Variants in WAPL observed in about 807,000 individuals in gnomAD.
The protein encoded by WAPL is wings apart-like protein homolog.
WAPL carries 5 observed loss-of-function variants against 121.0 expected under a neutral mutation model. The observed-to-expected ratio is 0.04, with a 90% CI of 0.02 to 0.09. The LOEUF (loss-of-function observed/expected upper bound fraction) is 0.09, where lower values mean the gene tolerates loss of function less well. Among genes scored for constraint, WAPL ranks in the 10% least tolerant of loss-of-function variants. The pLI is 1.00. For missense variants in WAPL, 999 were observed against 1,410.8 expected (o/e 0.71, Z 4.68); for synonymous variants, 480 against 481.5 (o/e 1.00, Z 0.04).
rs753543651 is a variant in WAPL at position 86,500,194 on chromosome 10, C to T, written c.1049G>A (p.Gly350Glu). The T allele has an allele frequency of 3.7e-6, 6 of 1,614,104 alleles. No individual in the cohort carries two copies. Among genetic ancestry groups the T allele is most frequent in the Non-Finnish European group, 5.1e-6 (6 of 1,180,022 alleles). ...GTAATCTCTAGTCCGTCCAACTGTC[C>T]CTCTAAAACTGGTCCCACAACTTAC... is the stretch of plus-strand genomic sequence containing the variant. ...GGVSCGTSFRGTVGRTRDYTV... is the reference protein window; with the variant it reads ...GGVSCGTSFRETVGRTRDYTV... The change falls in exon 3 of 19, where the codon GGG (glycine) becomes GAG (glutamate). Residue 350 changes from glycine to glutamate, a missense_variant. Physicochemically the swap from Gly to Glu is moderately conservative, Grantham distance 98. Around this residue, in one of 7 missense-constraint regions of WAPL, gnomAD observed 531 missense variants for 563.1 expected, o/e 0.94. Coordinates refer to ENST00000298767, the MANE Select transcript of WAPL (RefSeq NM_015045.5).
intron 15 of WAPL, among the ~76,000 whole-genome samples, chr10:86,448,500 T>A (rs1381133888): frequency 6.6e-6 from 1 of 152,206 alleles, no homozygotes; most frequent in South Asian, 2.1e-4. Context: ...TTACAAAGAA[T>A]GTGATGAACC....
intron 15 of WAPL, among the ~76,000 whole-genome samples, chr10:86,449,937 A>T (rs1378790115): frequency 6.6e-6 from 1 of 152,234 alleles, no homozygotes; most frequent in Non-Finnish European, 1.5e-5. Context: ...TGAGTACATG[A>T]ATCTATACAC....
intron 14 of WAPL, among the ~76,000 whole-genome samples, chr10:86,452,833 A>C (rs1841022460): frequency 6.6e-6 from 1 of 151,834 alleles, no homozygotes; most frequent in African/African-American, 2.4e-5. Context: ...TGAGGCCAGG[A>C]GTTTGAAACC....
At chr10:86,461,009 G>A (rs190693244) in intron 10 of WAPL, among the ~76,000 whole-genome samples, 167 bp downstream of exon 10, 207 of 152,174 alleles carry the variant, frequency 1.4e-3, no homozygotes, top group African/African-American at 4.7e-3. Flanking sequence ...CACCGTGCCC[G>A]GCCGGCCTCT....
rs191303576 is a variant in WAPL, at chr10:86,463,946, C to A, written c.2371-2659G>T. On this transcript the variant is annotated intron_variant, in intron 9 of 18. Transcript: ENST00000298767. The stretch of plus-strand genomic sequence containing the variant: ...TGTACCACATAGTCTAGATGTGTGG[C>A]AGGTTATAACTTCTAGGTCTGTGTA... 8.1e-4 allele frequency among the ~76,000 whole-genome samples: 124 copies of A among 152,330 alleles called. 2 individuals carry two copies. The highest frequency in any genetic ancestry group is 2.7e-3 in the African/African-American group (112 of 41,572).
In WAPL at chr10:86,500,234, C is replaced by T. The variant is rs780074825; in HGVS notation, c.1009G>A (p.Ala337Thr). 23 of 1,614,068 alleles carry T rather than the reference C, an allele frequency of 1.4e-5. No individual in the cohort carries two copies. Among genetic ancestry groups the T allele is most frequent in the Non-Finnish European group, 1.9e-5 (22 of 1,180,044 alleles). The change falls in exon 3 of 19, where the codon GCA becomes ACA. Residue 337 changes from alanine to threonine, a missense_variant. This residue lies in a region of WAPL where 531 missense variants were observed against 563.1 expected (regional missense o/e 0.94). Transcript: ENST00000298767. ...SESSKDGLNQ[A>T]KKGGVSCGTS... ...CCACAACTTACACCCCCTTTCTTTG[C>T]CTGATTCAGGCCATCTTTACTCGAT...
chr10:86,443,471 G>C, intron 16 of WAPL, 108 bp from the exon 17 acceptor site: 1 of 817,966 alleles, frequency 1.2e-6, no homozygotes, highest in Admixed American at 2.3e-5. Flanking sequence ...ACAAATCAAC[G>C]AATGATGCTA....
chr10:86,493,109 G>T (rs1334717254), intron 4 of WAPL, among the ~76,000 whole-genome samples: 1 of 151,506 alleles, frequency 6.6e-6, no homozygotes, highest in Non-Finnish European at 1.5e-5. Context: ...TTCAAAGGGG[G>T]GTACTGTTCA....
chr10:86,502,187 T>C (rs1842259101), intron 2 of WAPL, among the ~76,000 whole-genome samples: 1 of 152,214 alleles, frequency 6.6e-6, no homozygotes, highest in Non-Finnish European at 1.5e-5. Flanking sequence ...TGGTTTTTGC[T>C]TTCATAAACA....
intron 4 of WAPL, among the ~76,000 whole-genome samples, chr10:86,495,278 G>A (rs1446209689): frequency 6.6e-6 from 1 of 152,090 alleles, no homozygotes; most frequent in Non-Finnish European, 1.5e-5. Flanking sequence ...ACCAGCATGG[G>A]CAACAAACTG....
chr10:86,470,309 C>T (rs949731318), intron 8 of WAPL, among the ~76,000 whole-genome samples: 3 of 152,098 alleles, frequency 2.0e-5, no homozygotes, highest in African/African-American at 7.2e-5. Context: ...GCTGGGATTA[C>T]AGGCATGAGC....
intron 2 of WAPL, among the ~76,000 whole-genome samples, chr10:86,515,653 G>A (rs1842540111): frequency 6.6e-6 from 1 of 151,886 alleles, no homozygotes; most frequent in African/African-American, 2.4e-5. Context: ...ATGATGGCAG[G>A]TGCCTATAAT....
intron 4 of WAPL, among the ~76,000 whole-genome samples, chr10:86,478,077 A>G (rs900281119): frequency 6.6e-6 from 1 of 151,790 alleles, no homozygotes; most frequent in Non-Finnish European, 1.5e-5. Context: ...AAAAAGAAAG[A>G]AAGAAAAGCA....
chr10:86,467,628 C>T (rs1841428586), intron 8 of WAPL, 122 bp from the exon 9 acceptor site: 12 of 745,310 alleles, frequency 1.6e-5, no homozygotes, highest in Non-Finnish European at 2.4e-5. Flanking sequence ...ATATTACTAA[C>T]CATGTTGGAA....
chr10:86,521,208 G>A (rs1279969584), intron 1 of WAPL, among the ~76,000 whole-genome samples, 157 bp downstream of exon 1: 1 of 152,184 alleles, frequency 6.6e-6, no homozygotes, highest in Non-Finnish European at 1.5e-5. Flanking sequence ...GAAAATAAAA[G>A]GGGAAAAAAA....
intron 9 of WAPL, among the ~76,000 whole-genome samples, chr10:86,465,673 A>G (rs578032957): frequency 1.2e-4 from 18 of 152,340 alleles, no homozygotes; most frequent in Non-Finnish European, 2.1e-4. Flanking sequence ...CTTTCCATAT[A>G]GCATATAAAT....
At chr10:86,520,291 G>A (rs1204770001) in intron 1 of WAPL, among the ~76,000 whole-genome samples, 1 of 152,084 alleles carries the variant, frequency 6.6e-6, no homozygotes, top group African/African-American at 2.4e-5. Context: ...GCGAAACTCC[G>A]TCTCAAAATA....
At chr10:86,518,372 T>C (rs1027372432) in intron 1 of WAPL, among the ~76,000 whole-genome samples, 3 of 152,262 alleles carry the variant, frequency 2.0e-5, no homozygotes, top group Admixed American at 6.5e-5. Context: ...TCCATAAAGC[T>C]AACTTAAAAT....
intron 14 of WAPL, 40 bp from the exon 15 acceptor site, chr10:86,452,171 T>C (rs1840998083): frequency 1.6e-5 from 25 of 1,587,662 alleles, no homozygotes; most frequent in Middle Eastern, 1.7e-4. Flanking sequence ...CAGAGATGAG[T>C]ACTTAAAACA....
Sources: allele counts gnomAD v4.1 joint callset (sites outside exome capture counted in the v4.1 genomes callset), GRCh38; gene constraint gnomAD v4.1.1; regional missense constraint gnomAD v4.1.1; transcripts MANE v1.5; gene names NCBI Gene and HGNC (gene_info 2026-07-23, HGNC 2026-07-21).